Variants in CTTNBP2NL observed in about 807,000 individuals in gnomAD.
The protein encoded by CTTNBP2NL is CTTNBP2 N-terminal-like protein.
In CTTNBP2NL, 16 loss-of-function variants were observed where a neutral mutation model predicts 32.5. That is an observed-to-expected ratio of 0.49 (90% CI 0.33 to 0.75). The LOEUF is 0.75. Among genes scored for constraint, CTTNBP2NL ranks in the 30% least tolerant of loss-of-function variants. CTTNBP2NL has a pLI of 0.02. For missense variants in CTTNBP2NL, 645 were observed against 756.0 expected (o/e 0.85, Z 1.72); for synonymous variants, 298 against 289.4 (o/e 1.03, Z -0.30).
chr1:112,393,484 G>A (rs539221609), upstream of CTTNBP2NL, among the ~76,000 whole-genome samples: 14 of 152,218 alleles, frequency 9.2e-5, no homozygotes, highest in South Asian at 2.9e-3. Context: ...GTTATATTTT[G>A]TTATACAAAT....
At chr1:112,451,808 C>T (rs932703942) in intron 4 of CTTNBP2NL, among the ~76,000 whole-genome samples, 1 of 148,406 alleles carries the variant, frequency 6.7e-6, no homozygotes, top group Non-Finnish European at 1.5e-5. Context: ...AACAAAAAAA[C>T]AGGCTTTGAG....
chr1:112,425,956 CGTGTGTGT>C lies in CTTNBP2NL; in HGVS notation c.99+9733_99+9740del, dbSNP rs376135147. On this transcript the variant is annotated intron_variant, in intron 3 of 5. Coordinates refer to ENST00000271277, the MANE Select transcript of CTTNBP2NL (RefSeq NM_018704.3). The stretch of plus-strand genomic sequence containing the variant: ...ACTTACTTCTTTCTAATCTGGATGC[CGTGTGTGT>C]GTGTGTGTGTGTGTGTGTGTGTGTG... Among the ~76,000 whole-genome samples the C allele has an allele frequency of 9.2e-3, 1,097 of 119,754 alleles. 4 individuals carry two copies. The highest frequency in any genetic ancestry group is 0.012 in the Non-Finnish European group (683 of 56,572). The allele number at this position is 119,754 out of a possible 152,430, so 78.6% of individuals were successfully genotyped here.
Position 112,456,757 on chromosome 1 carries a change from C to G in CTTNBP2NL, c.1265C>G (p.Ser422Cys), listed in dbSNP as rs750605727. The change falls in exon 6 of 6, where the codon TCT becomes TGT. Residue 422 changes from serine (S) to cysteine (C), a missense_variant. By Grantham distance (112) the Ser-to-Cys change is moderately radical. Coordinates refer to ENST00000271277, the MANE Select transcript of CTTNBP2NL (RefSeq NM_018704.3). ...TCTCCCAGCAGCACTGCCTCCTCCT[C>G]TCTAACATCCTCTCCTTGCTCTTCG... ...SLSPSSTASSSLTSSPCSSPV... is the reference protein window; with the variant it reads ...SLSPSSTASSCLTSSPCSSPV... 2.5e-6 allele frequency: 4 copies of G among 1,614,136 alleles called. No homozygotes were observed. The highest frequency in any genetic ancestry group is 3.4e-6 in the Non-Finnish European group (4 of 1,180,024).
intron 1 of CTTNBP2NL, among the ~76,000 whole-genome samples, chr1:112,400,250 A>G (rs1402407737): frequency 2.0e-5 from 3 of 152,256 alleles, no homozygotes; most frequent in East Asian, 1.9e-4. Flanking sequence ...TCAAATCCCA[A>G]CTGTGCTACT....
chr1:112,428,189 A>C (rs988079132), intron 3 of CTTNBP2NL, among the ~76,000 whole-genome samples: 1 of 152,196 alleles, frequency 6.6e-6, no homozygotes, highest in African/African-American at 2.4e-5. Context: ...CCTAGGTAGT[A>C]GAATCATATG....
intron 1 of CTTNBP2NL, among the ~76,000 whole-genome samples, chr1:112,410,806 G>A (rs1192038654): frequency 2.0e-5 from 3 of 151,886 alleles, no homozygotes; most frequent in Non-Finnish European, 2.9e-5. Context: ...AGAAATATCT[G>A]TGTCTAAACT....
At chr1:112,438,033 G>A (rs904434222) in intron 3 of CTTNBP2NL, among the ~76,000 whole-genome samples, 7 of 152,100 alleles carry the variant, frequency 4.6e-5, no homozygotes, top group East Asian at 3.8e-4. Context: ...GCCAGTTCCC[G>A]TGTCCAGAAT....
At chr1:112,445,551 A>C (rs146521325) in intron 3 of CTTNBP2NL, among the ~76,000 whole-genome samples, 1 of 152,324 alleles carries the variant, frequency 6.6e-6, no homozygotes, top group Admixed American at 6.5e-5. Flanking sequence ...TTGACCCCAT[A>C]TTAGAATGTA....
At chr1:112,432,379 G>A (rs1649593531) in intron 3 of CTTNBP2NL, among the ~76,000 whole-genome samples, 1 of 151,940 alleles carries the variant, frequency 6.6e-6, no homozygotes, top group South Asian at 2.1e-4. Context: ...GAATTTTTAT[G>A]AGAAAATACT....
At chr1:112,447,362 C>G (rs1650083122) in intron 3 of CTTNBP2NL, among the ~76,000 whole-genome samples, 1 of 149,076 alleles carries the variant, frequency 6.7e-6, no homozygotes, top group Non-Finnish European at 1.5e-5. Context: ...CACACACACA[C>G]AACACACCAT....
chr1:112,412,641 G>C (rs940669067), intron 2 of CTTNBP2NL, among the ~76,000 whole-genome samples: 2 of 105,432 alleles, frequency 1.9e-5, no homozygotes, highest in Non-Finnish European at 3.4e-5. Flanking sequence ...TTTTGACACA[G>C]AGTCTCACTG....
intron 3 of CTTNBP2NL, among the ~76,000 whole-genome samples, chr1:112,420,284 A>G (rs1164575870): frequency 6.6e-6 from 1 of 151,234 alleles, no homozygotes; most frequent in Non-Finnish European, 1.5e-5. Flanking sequence ...AGCTGGGATT[A>G]CAGGCGTGCG....
rs943495503 is a variant in CTTNBP2NL at position 112,428,263 on chromosome 1, T to C, written c.99+11999T>C. 2.0e-5 allele frequency among the ~76,000 whole-genome samples: 3 copies of C among 152,338 alleles called. No homozygotes were observed. The East Asian group carries it at 5.8e-4, about 29-fold the overall frequency. On this transcript the variant is annotated intron_variant, in intron 3 of 5. Transcript: ENST00000271277. ...CTTAGTTACTTTTATTTCAGAAATG[T>C]TGATTTTTTTAAGTAACAATAATCT... is the stretch of plus-strand genomic sequence containing the variant.
chr1:112,420,325 T>C (rs1000783754), intron 3 of CTTNBP2NL, among the ~76,000 whole-genome samples: 6 of 151,946 alleles, frequency 3.9e-5, no homozygotes, highest in Non-Finnish European at 8.8e-5. Flanking sequence ...TTTAATACTT[T>C]TATAGAGATG....
chr1:112,427,295 ATTTTAAAGGGGATTGTGTTTAT>A (rs1649431749), intron 3 of CTTNBP2NL, among the ~76,000 whole-genome samples: 1 of 152,196 alleles, frequency 6.6e-6, no homozygotes, highest in Non-Finnish European at 1.5e-5. Context: ...AAGAAGATTG[ATTTTAAAGGGGATTGTGTTTAT>A]AGGTGACATC....
intron 1 of CTTNBP2NL, among the ~76,000 whole-genome samples, chr1:112,410,798 A>G (rs1308785519): frequency 1.3e-5 from 2 of 152,078 alleles, no homozygotes; most frequent in Non-Finnish European, 2.9e-5. Flanking sequence ...ATAGACTTAG[A>G]AATATCTGTG....
intron 3 of CTTNBP2NL, among the ~76,000 whole-genome samples, chr1:112,428,803 T>G (rs1183952660): frequency 3.9e-5 from 6 of 152,288 alleles, no homozygotes; most frequent in African/African-American, 1.4e-4. Flanking sequence ...AAATGCTGAT[T>G]ATGACCCCAC....
chr1:112,445,632 A>C (rs1410429447), intron 3 of CTTNBP2NL, among the ~76,000 whole-genome samples: 1 of 152,178 alleles, frequency 6.6e-6, no homozygotes, highest in Non-Finnish European at 1.5e-5. Flanking sequence ...TTTACAGGCA[A>C]AGCCGTCTGT....
At chr1:112,447,987 C>T (rs1650104419) in intron 3 of CTTNBP2NL, among the ~76,000 whole-genome samples, 1 of 152,124 alleles carries the variant, frequency 6.6e-6, no homozygotes, top group African/African-American at 2.4e-5. Context: ...ATGTATGATG[C>T]TCATGTGGAG....
Sources: allele counts gnomAD v4.1 joint callset (sites outside exome capture counted in the v4.1 genomes callset), GRCh38; gene constraint gnomAD v4.1.1; transcripts MANE v1.5; gene names NCBI Gene and HGNC (gene_info 2026-07-23, HGNC 2026-07-21).